The following BCL2L13 variants were observed in gnomAD, a reference collection of about 807,000 sequenced individuals.
BCL2L13 encodes the protein BCL2 like 13.
Under a neutral mutation model 25.8 loss-of-function variants are expected in BCL2L13, and 13 were observed. The observed-to-expected ratio is 0.50, with a 90% CI of 0.33 to 0.80. The LOEUF (loss-of-function observed/expected upper bound fraction) is 0.80. BCL2L13 is among the 30% of genes least tolerant of loss of function. The pLI, the probability that BCL2L13 is intolerant of heterozygous loss-of-function variation, is 0.02. For synonymous variants in BCL2L13, 244 were observed against 230.3 expected (o/e 1.06, Z -0.54); for missense variants, 504 against 574.9 (o/e 0.88, Z 1.26).
At chr22:17,712,748 C>T (rs2060799177) in intron 6 of BCL2L13, among the ~76,000 whole-genome samples, 1 of 152,158 alleles carries the variant, frequency 6.6e-6, no homozygotes, top group Non-Finnish European at 1.5e-5. Context: ...TGAGTGGGTT[C>T]TCCTCCGTCT....
At chr22:17,669,271 ATC>A in intron 2 of BCL2L13, among the ~76,000 whole-genome samples, 1 of 151,958 alleles carries the variant, frequency 6.6e-6, no homozygotes, top group Non-Finnish European at 1.5e-5. Flanking sequence ...TGACCTCGTG[ATC>A]TGCCCGCCTC....
intron 2 of BCL2L13, among the ~76,000 whole-genome samples, chr22:17,668,012 C>T (rs2059289878): frequency 5.8e-5 from 7 of 119,804 alleles, no homozygotes; most frequent in Non-Finnish European, 7.0e-5. Flanking sequence ...CTTGTAGTTG[C>T]CTATTCTTTT....
At chr22:17,724,566 G>T (rs769942329) in intron 6 of BCL2L13, among the ~76,000 whole-genome samples, 2 of 152,290 alleles carry the variant, frequency 1.3e-5, no homozygotes, top group Admixed American at 6.5e-5. Context: ...CATCATGGTC[G>T]TGTGATTTAT....
At position 17,727,642 on chromosome 22, in the gene BCL2L13, T is replaced by C. The variant is rs1183470489; in HGVS notation, c.*108T>C. 1.2e-5 allele frequency: 17 copies of C among 1,471,202 alleles called. No individual in the cohort carries two copies. Among genetic ancestry groups the C allele is most frequent in the Middle Eastern group, 2.2e-4 (1 of 4,500 alleles). 91.1% of individuals were successfully genotyped at this position (1,471,202 alleles called of 1,614,324 possible). On this transcript the variant is annotated 3_prime_UTR_variant, in exon 7 of 7. Transcript: ENST00000317582. ...ACATTTGTGGAACACTCTGGGATAA[T>C]TGGGGACTTCTGCTCAACATGGCAG...
chr22:17,673,193 A>G (rs372508904), intron 2 of BCL2L13, among the ~76,000 whole-genome samples: 65 of 152,242 alleles, frequency 4.3e-4, no homozygotes, highest in South Asian at 1.4e-3. Flanking sequence ...TTAAACTCTC[A>G]TAAGTATGCA....
At position 17,730,473 on chromosome 22, in the gene BCL2L13, C is replaced by G. The variant is rs998576903; in HGVS notation, c.*2939C>G. 1 of 152,204 alleles carries G rather than the reference C, an allele frequency of 6.6e-6. No individual in the cohort carries two copies. The highest frequency in any genetic ancestry group is 2.4e-5 in the African/African-American group (1 of 41,442). 9.4% of individuals were successfully genotyped at this position (152,204 alleles called of 1,614,324 possible). Reference sequence around the variant, plus strand: ...TTGACCCACAGCTACTGTTCATTTCCTCAGGCTTTGCGCTGATTCCCTCAA... The same window carrying G: ...TTGACCCACAGCTACTGTTCATTTCGTCAGGCTTTGCGCTGATTCCCTCAA... On this transcript the variant is annotated 3_prime_UTR_variant, in exon 7 of 7. Coordinates refer to ENST00000317582, the MANE Select transcript of BCL2L13 (RefSeq NM_015367.4).
intron 2 of BCL2L13, among the ~76,000 whole-genome samples, chr22:17,660,931 C>A (rs2059044774): frequency 7.0e-6 from 1 of 143,424 alleles, no homozygotes; most frequent in South Asian, 2.2e-4. Flanking sequence ...ACTACAGACG[C>A]ATGCCACCAC....
chr22:17,669,030 C>CTTTTTTTTTT (rs537315017), intron 2 of BCL2L13, among the ~76,000 whole-genome samples: 6 of 111,834 alleles, frequency 5.4e-5, no homozygotes, highest in East Asian at 2.7e-4. Context: ...CTGTTTCTTT[C>CTTTTTTTTTT]TTTTTTTTTT....
In BCL2L13 at chr22:17,631,666, GTGTGTA is replaced by G. The variant is rs1206512777; in HGVS notation, c.-650+2663_-650+2668del. Among the ~76,000 whole-genome samples, 28 of 21,414 alleles carry G rather than the reference GTGTGTA, an allele frequency of 1.3e-3. 1 individual carries two copies. Among genetic ancestry groups the G allele is most frequent in the African/African-American group, 4.3e-3 (26 of 5,978 alleles). The allele number at this position is 21,414 out of a possible 152,430, so 14.0% of individuals were successfully genotyped here. ...GGTACGTGTGTGTATGTATGTGTGTGTGTGTATATATATATATATATATATATATAT... is the reference window on the plus strand; with the variant it reads ...GGTACGTGTGTGTATGTATGTGTGTGTATATATATATATATATATATATAT... On this transcript the variant is annotated intron_variant, in intron 1 of 6. Transcript: ENST00000399782.
At chr22:17,644,862 T>A (rs1193140383) in intron 1 of BCL2L13, among the ~76,000 whole-genome samples, 1 of 149,352 alleles carries the variant, frequency 6.7e-6, no homozygotes, top group Non-Finnish European at 1.5e-5. Flanking sequence ...CAGGCTGGAG[T>A]GCAGTGGCAC....
chr22:17,689,152 A>C lies in BCL2L13; in HGVS notation c.386+10A>C. 4 of 1,613,202 alleles carry C rather than the reference A, an allele frequency of 2.5e-6. No individual in the cohort carries two copies. The African/African-American group carries it at 4.0e-5, about 16-fold the overall frequency. On this transcript the variant is annotated intron_variant, in intron 4 of 6. Coordinates refer to ENST00000317582, the MANE Select transcript of BCL2L13 (RefSeq NM_015367.4). Reference sequence around the variant, plus strand: ...AAATGCTCCTGAGCCAGTGAGTTACACTGCTGAGTGGGATGTGCTTCTTTA... The same window carrying C: ...AAATGCTCCTGAGCCAGTGAGTTACCCTGCTGAGTGGGATGTGCTTCTTTA...
chr22:17,670,525 C>T (rs1364639405), intron 2 of BCL2L13, among the ~76,000 whole-genome samples: 1 of 152,020 alleles, frequency 6.6e-6, no homozygotes, highest in Non-Finnish European at 1.5e-5. Flanking sequence ...CAGGCATGCG[C>T]CATCATGCCT....
At chr22:17,657,001 T>TAGA (rs2058894731) in intron 2 of BCL2L13, among the ~76,000 whole-genome samples, 1 of 152,120 alleles carries the variant, frequency 6.6e-6, no homozygotes. Flanking sequence ...TGTATTTTAG[T>TAGA]AGAGACGGGG....
intron 4 of BCL2L13, among the ~76,000 whole-genome samples, chr22:17,692,908 T>C (rs560873113): frequency 9.0e-4 from 137 of 152,206 alleles, no homozygotes; most frequent in Non-Finnish European, 1.7e-3. Context: ...CAAAAAATTA[T>C]CGAGCTATTT....
At chr22:17,655,617 C>T in intron 1 of BCL2L13, 45 bp from the exon 2 acceptor site, 1 of 1,434,252 alleles carries the variant, frequency 7.0e-7, no homozygotes, top group Non-Finnish European at 9.4e-7. Flanking sequence ...GTTAAAGTGG[C>T]ATGTAATAAA....
At chr22:17,638,679 C>T, upstream of BCL2L13, 6 of 1,231,702 alleles carry the variant, frequency 4.9e-6, no homozygotes, top group Non-Finnish European at 6.1e-6. Flanking sequence ...CCTTCCGCTC[C>T]GGATACCGTT....
At chr22:17,685,011 A>C (rs759780768) in intron 3 of BCL2L13, among the ~76,000 whole-genome samples, 1 of 152,102 alleles carries the variant, frequency 6.6e-6, no homozygotes, top group Non-Finnish European at 1.5e-5. Context: ...CTGGGATTAC[A>C]GGCATGAGCC....
chr22:17,650,955 A>G lies in BCL2L13; in HGVS notation c.-50-4707A>G, dbSNP rs915691169. Among the ~76,000 whole-genome samples the G allele has an allele frequency of 2.0e-5, 3 of 147,854 alleles. No individual in the cohort carries two copies. The South Asian group carries it at 6.4e-4, about 32-fold the overall frequency. On this transcript the variant is annotated intron_variant, in intron 1 of 6. Coordinates refer to ENST00000317582, the MANE Select transcript of BCL2L13 (RefSeq NM_015367.4). ...CTGCTTCCCAAAGTGTTGGGATTAC[A>G]GGTGTGAGCCACCGCACCTCGTCGT...
At chr22:17,714,241 A>G (rs999512279) in intron 6 of BCL2L13, among the ~76,000 whole-genome samples, 3 of 151,752 alleles carry the variant, frequency 2.0e-5, no homozygotes, top group African/African-American at 7.3e-5. Context: ...TGGAGTGAGC[A>G]GAGATTGCGC....
Sources: gnomAD v4.1 joint callset for allele counts (sites outside exome capture counted in the v4.1 genomes callset) on GRCh38, gnomAD v4.1.1 for gene constraint, MANE v1.5 for transcripts, NCBI Gene and HGNC (gene_info 2026-07-23, HGNC 2026-07-21) for gene names.